KDM2B: variants seen among roughly 807,000 people sequenced by gnomAD.
KDM2B encodes the protein lysine demethylase 2B.
Under a neutral mutation model 150.0 loss-of-function variants are expected in KDM2B, and 26 were observed. The observed-to-expected ratio is 0.17, with a 90% CI of 0.13 to 0.24. KDM2B has a LOEUF of 0.24. KDM2B is among the 10% of genes least tolerant of loss of function. The pLI is 1.00. For synonymous variants in KDM2B, 734 were observed against 729.5 expected, an observed-to-expected ratio of 1.01 and a Z score of -0.10; for missense variants, 1,265 against 1,816.9, an observed-to-expected ratio of 0.70 and a Z score of 5.52.
At chr12:121,459,459 T>C (rs1555293438) in intron 12 of KDM2B, among the ~76,000 whole-genome samples, 1 of 152,206 alleles carries the variant, frequency 6.6e-6, no homozygotes. Flanking sequence ...CTTTATGACT[T>C]TGAATTAGGC....
chr12:121,578,761 G>C lies in KDM2B; in HGVS notation c.271+41C>G, dbSNP rs562225278. Reference sequence around the variant, plus strand: ...GCAGCTCCCTCCCCACGTGCGCTCGGCCCGCAGCGCAGAGGGCGGCCCGGG... The same window carrying C: ...GCAGCTCCCTCCCCACGTGCGCTCGCCCCGCAGCGCAGAGGGCGGCCCGGG... On this transcript the variant is annotated intron_variant, in intron 2 of 22. Coordinates refer to ENST00000377071, the MANE Select transcript of KDM2B (RefSeq NM_032590.5). 2.5e-5 allele frequency: 35 copies of C among 1,409,418 alleles called. No individual in the cohort carries two copies. The African/African-American group carries it at 3.5e-4, about 14-fold the overall frequency. The allele number at this position is 1,409,418 out of a possible 1,614,324, so 87.3% of individuals were successfully genotyped here.
chr12:121,460,766 T>G (rs1300305981), intron 12 of KDM2B, among the ~76,000 whole-genome samples: 1 of 152,082 alleles, frequency 6.6e-6, no homozygotes, highest in Non-Finnish European at 1.5e-5. Flanking sequence ...AACAATCTTT[T>G]TTGTTTTTCT....
At chr12:121,445,662 T>C (rs1185637653) in intron 13 of KDM2B, among the ~76,000 whole-genome samples, 3 of 152,168 alleles carry the variant, frequency 2.0e-5, no homozygotes, top group Non-Finnish European at 4.4e-5. Flanking sequence ...ATCTCTGCCA[T>C]CCAGAGCTTA....
chr12:121,410,637 A>G, the KDM2B span, among the ~76,000 whole-genome samples: 16 of 152,150 alleles, frequency 1.1e-4, no homozygotes, highest in South Asian at 3.3e-3. Context: ...TGAACTTTCC[A>G]GAAGGCTGGA....
At chr12:121,441,042 C>T (rs1874932585) in intron 20 of KDM2B, 28 bp downstream of exon 20, 3 of 1,613,358 alleles carry the variant, frequency 1.9e-6, no homozygotes, top group Non-Finnish European at 2.5e-6. Context: ...GCAGCAGACA[C>T]ACTCGGGGCC....
intron 22 of KDM2B, among the ~76,000 whole-genome samples, chr12:121,431,199 T>C (rs1170339397): frequency 2.0e-5 from 3 of 151,940 alleles, no homozygotes; most frequent in African/African-American, 7.3e-5. Flanking sequence ...TGGTGCACTC[T>C]TGGCTCACTG....
chr12:121,473,246 G>T (rs1880958837), intron 12 of KDM2B, among the ~76,000 whole-genome samples: 2 of 152,136 alleles, frequency 1.3e-5, no homozygotes, highest in South Asian at 4.2e-4. Context: ...CAAAAAATTA[G>T]CCGGGTGTGA....
intron 12 of KDM2B, among the ~76,000 whole-genome samples, chr12:121,458,118 C>A (rs929086575): frequency 6.6e-6 from 1 of 152,318 alleles, no homozygotes; most frequent in East Asian, 1.9e-4. Flanking sequence ...CACAGTGGCT[C>A]ACCCCTATAA....
At chr12:121,410,429 T>G in the KDM2B span, among the ~76,000 whole-genome samples, 1 of 151,412 alleles carries the variant, frequency 6.6e-6, no homozygotes, top group African/African-American at 2.4e-5. Context: ...CCCGGCTACT[T>G]GGGAGGCTGA....
intron 13 of KDM2B, among the ~76,000 whole-genome samples, chr12:121,451,907 A>G (rs1250191178): frequency 2.0e-5 from 3 of 151,954 alleles, no homozygotes; most frequent in African/African-American, 7.3e-5. Flanking sequence ...GCAAGACTCC[A>G]TCTCAGAAAA....
At chr12:121,464,568 T>C (rs1273869776) in intron 12 of KDM2B, among the ~76,000 whole-genome samples, 11 of 152,134 alleles carry the variant, frequency 7.2e-5, no homozygotes, top group African/African-American at 2.4e-4. Context: ...GTACACAGGC[T>C]CGGAAGGTGG....
At chr12:121,447,532 C>T (rs1022693761) in intron 13 of KDM2B, among the ~76,000 whole-genome samples, 4 of 152,058 alleles carry the variant, frequency 2.6e-5, no homozygotes, top group South Asian at 2.1e-4. Context: ...CGTAAACCAC[C>T]GCACCCGGCA....
In KDM2B at chr12:121,548,987, A is replaced by C; in HGVS notation, c.577-4T>G. The C allele has an allele frequency of 1.2e-6, 2 of 1,610,338 alleles. No homozygotes were observed. Among genetic ancestry groups the C allele is most frequent in the Non-Finnish European group, 1.7e-6 (2 of 1,176,494 alleles). On this transcript the variant is annotated splice_region_variant and splice_polypyrimidine_tract_variant and intron_variant, in intron 5 of 22. Transcript: ENST00000377071. ...CCACCCAGTCCACCAGGTCTACCTG[A>C]AAGCCAGACCAGTGTGAGCACTGCA... is the stretch of plus-strand genomic sequence containing the variant.
chr12:121,443,025 T>C lies in KDM2B; in HGVS notation c.2571A>G (p.Lys857=). The C allele has an allele frequency of 6.2e-7, 1 of 1,612,724 alleles. No individual in the cohort carries two copies. The highest frequency in any genetic ancestry group is 8.5e-7 in the Non-Finnish European group (1 of 1,179,456). Residue 857 remains lysine, a synonymous_variant, in exon 18 of 23, where the codon AAA becomes AAG. Coordinates refer to ENST00000377071, the MANE Select transcript of KDM2B (RefSeq NM_032590.5). The part of the protein sequence containing the change: ...SSLTYFQQQL[K]PGKEDKLFRK... ...TGAAAAGCTTATCTTCTTTGCCAGG[T>C]TTGAGCTGTCACGAAAAAGAAAGGA...
rs1555292235 is a variant in KDM2B, at chr12:121,453,825, A to G, written c.1735-481T>C. Among the ~76,000 whole-genome samples the G allele has an allele frequency of 1.3e-5, 2 of 152,146 alleles. No homozygotes were observed. Among genetic ancestry groups the G allele is most frequent in the Non-Finnish European group, 2.9e-5 (2 of 68,006 alleles). On this transcript the variant is annotated intron_variant, in intron 12 of 22. Coordinates refer to ENST00000377071, the MANE Select transcript of KDM2B (RefSeq NM_032590.5). This position sits in a 1 kb window ranked among gnomAD's most constrained non-coding sequence, Gnocchi z 6.4. ...GAGAGAAGAAAGGCCGGTTGTTTTA[A>G]GCCACCCGTTATGGCAGCCCTAGGA...
chr12:121,481,058 G>A (rs1437681466), intron 12 of KDM2B, among the ~76,000 whole-genome samples: 2 of 151,684 alleles, frequency 1.3e-5, no homozygotes, highest in African/African-American at 2.4e-5. Flanking sequence ...TTCCCAAGTA[G>A]CTGGGACTAC....
downstream of KDM2B, among the ~76,000 whole-genome samples, chr12:121,424,579 C>G (rs547546223): frequency 1.2e-3 from 181 of 152,048 alleles, no homozygotes; most frequent in Non-Finnish European, 2.1e-3. Context: ...AAAAAATTAG[C>G]CAGGCGTGGT....
the KDM2B span, among the ~76,000 whole-genome samples, chr12:121,410,533 T>C: frequency 7.9e-6 from 1 of 126,188 alleles, no homozygotes; most frequent in Non-Finnish European, 1.6e-5. Context: ...CAAGATTCTG[T>C]CTCAAAACCA....
rs782091085 is a variant in KDM2B at position 121,430,351 on chromosome 12, G to A, written c.3948C>T (p.Ala1316=). 33 of 1,613,870 alleles carry A rather than the reference G, an allele frequency of 2.0e-5. No individual in the cohort carries two copies. The highest frequency in any genetic ancestry group is 9.9e-5 in the South Asian group (9 of 91,074). The change falls in exon 23 of 23, where the codon GCC becomes GCT. Residue 1316 remains alanine, a synonymous_variant. Transcript: ENST00000377071. The surrounding 1 kb of genome is among the most constrained non-coding windows in gnomAD (Gnocchi z 4.4). ...CAAACTGGACACTCACAGACATCTC[G>A]GCTATGAACTGCTCACAGCCTTCCT... ...VTKEGCEQFI[A]EMSVSVQFGQ...
Sources: allele counts gnomAD v4.1 joint callset (sites outside exome capture counted in the v4.1 genomes callset), GRCh38; gene constraint gnomAD v4.1.1; non-coding constraint Gnocchi (gnomAD v3.1); transcripts MANE v1.5; gene names NCBI Gene and HGNC (gene_info 2026-07-23, HGNC 2026-07-21).